SH2D4A: variants seen among roughly 807,000 people sequenced by gnomAD.
SH2D4A encodes SH2 domain-containing protein 4A.
A neutral mutation model predicts 64.7 loss-of-function variants in SH2D4A; 70 were observed. The observed-to-expected ratio is 1.08, with a 90% CI of 0.89 to 1.32. The LOEUF (loss-of-function observed/expected upper bound fraction) is 1.32, where lower values mean the gene tolerates loss of function less well. Among genes scored for constraint, SH2D4A ranks in the 40% most tolerant of loss-of-function variants. SH2D4A has a pLI of 0.00. For synonymous variants in SH2D4A, 268 were observed against 200.7 expected, an observed-to-expected ratio of 1.34 and a Z score of -2.83; for missense variants, 706 against 540.1, an observed-to-expected ratio of 1.31 and a Z score of -3.04.
chr8:19,316,302 A>G (rs2052087220), intron 1 of SH2D4A, among the ~76,000 whole-genome samples: 1 of 152,246 alleles, frequency 6.6e-6, no homozygotes, highest in Non-Finnish European at 1.5e-5. Flanking sequence ...TTGCTATAAA[A>G]AGTAAAACAA....
At chr8:19,391,565 C>T (rs548635323) in intron 8 of SH2D4A, among the ~76,000 whole-genome samples, 1 of 152,136 alleles carries the variant, frequency 6.6e-6, no homozygotes, top group African/African-American at 2.4e-5. Flanking sequence ...GCCTTTTCAC[C>T]CACTCCCAGC....
chr8:19,384,821 T>C (rs111271232), intron 8 of SH2D4A, among the ~76,000 whole-genome samples: 7 of 152,188 alleles, frequency 4.6e-5, no homozygotes, highest in South Asian at 2.1e-4. Context: ...TCTATCAACA[T>C]TTTCCTACTT....
At chr8:19,336,688 A>AC in intron 4 of SH2D4A, among the ~76,000 whole-genome samples, 1 of 151,618 alleles carries the variant, frequency 6.6e-6, no homozygotes, top group African/African-American at 2.4e-5. Context: ...AGACAGTGAG[A>AC]CCCCCATCTC....
At chr8:19,324,114 C>T (rs2117184029) in intron 2 of SH2D4A, among the ~76,000 whole-genome samples, 1 of 152,358 alleles carries the variant, frequency 6.6e-6, no homozygotes, top group Admixed American at 6.5e-5. Flanking sequence ...ACATCTAAAA[C>T]ATGTGCTCGC....
intron 4 of SH2D4A, among the ~76,000 whole-genome samples, chr8:19,335,376 T>C (rs2052431089): frequency 6.6e-6 from 1 of 152,212 alleles, no homozygotes; most frequent in Non-Finnish European, 1.5e-5. Flanking sequence ...AGCACCCCTA[T>C]TTCATGAGAC....
chr8:19,349,863 C>G (rs1194253372), intron 4 of SH2D4A, among the ~76,000 whole-genome samples: 1 of 152,184 alleles, frequency 6.6e-6, no homozygotes, highest in African/African-American at 2.4e-5. Context: ...ATCACCACGC[C>G]CAGCTAACTT....
rs889254492 is a variant in SH2D4A at position 19,336,437 on chromosome 8, G to A, written c.513+1580G>A. 8.0e-4 allele frequency among the ~76,000 whole-genome samples: 122 copies of A among 151,964 alleles called. 1 individual carries two copies. The highest frequency in any genetic ancestry group is 5.1e-4 in the Non-Finnish European group (35 of 67,984). On this transcript the variant is annotated intron_variant, in intron 4 of 9. Coordinates refer to ENST00000265807, the MANE Select transcript of SH2D4A (RefSeq NM_022071.4). ...CCCCACATCCTCATTGAGGCCTCCCGTCCTCCCCAGGTGTGCTTTGCACTC... is the reference window on the plus strand; with the variant it reads ...CCCCACATCCTCATTGAGGCCTCCCATCCTCCCCAGGTGTGCTTTGCACTC...
Position 19,319,575 on chromosome 8 carries a change from T to A in SH2D4A, c.28T>A (p.Tyr10Asn), listed in dbSNP as rs762511784. The change falls in exon 2 of 10, where the codon TAC (tyrosine) becomes AAC (asparagine). Residue 10 changes from tyrosine to asparagine, a missense_variant. Physicochemically the swap from Tyr to Asn is moderately radical, Grantham distance 143 (BLOSUM62 -2). Coordinates refer to ENST00000265807, the MANE Select transcript of SH2D4A (RefSeq NM_022071.4). Reference sequence around the variant, plus strand: ...GCTGAAACAGATACTGTCGGAGATGTACATAGATCCTGATCTACTGGCAGA... The same window carrying A: ...GCTGAAACAGATACTGTCGGAGATGAACATAGATCCTGATCTACTGGCAGA... MLKQILSEM[Y>N]IDPDLLAELS... 1 of 1,586,442 alleles carries A rather than the reference T, an allele frequency of 6.3e-7. No homozygotes were observed. Among genetic ancestry groups the A allele is most frequent in the East Asian group, 2.3e-5 (1 of 43,606 alleles).
chr8:19,366,373 G>A (rs939187069), intron 7 of SH2D4A, among the ~76,000 whole-genome samples: 4 of 152,086 alleles, frequency 2.6e-5, no homozygotes, highest in Admixed American at 6.5e-5. Context: ...TGTGGTTACC[G>A]TGCTGTGCAG....
chr8:19,339,425 A>C (rs1383599887), intron 4 of SH2D4A, among the ~76,000 whole-genome samples: 2 of 151,614 alleles, frequency 1.3e-5, no homozygotes, highest in African/African-American at 4.9e-5. Flanking sequence ...AATACTGGGC[A>C]CTTATTTCAG....
At chr8:19,367,762 T>G (rs1227175013) in intron 7 of SH2D4A, among the ~76,000 whole-genome samples, 1 of 152,096 alleles carries the variant, frequency 6.6e-6, no homozygotes, top group African/African-American at 2.4e-5. Context: ...CGGTTGCCTG[T>G]GCTTTTGAGG....
intron 8 of SH2D4A, among the ~76,000 whole-genome samples, chr8:19,387,620 C>A (rs1366951440): frequency 6.6e-6 from 1 of 152,200 alleles, no homozygotes; most frequent in Non-Finnish European, 1.5e-5. Flanking sequence ...GATCATGATG[C>A]CTGACTTCTT....
At chr8:19,353,529 C>T (rs754188569) in intron 4 of SH2D4A, among the ~76,000 whole-genome samples, 4 of 151,804 alleles carry the variant, frequency 2.6e-5, no homozygotes, top group African/African-American at 4.8e-5. Context: ...TCATCACGCC[C>T]GGCTAATTTT....
chr8:19,354,182 G>A (rs2052754029), intron 4 of SH2D4A, among the ~76,000 whole-genome samples: 1 of 151,892 alleles, frequency 6.6e-6, no homozygotes, highest in East Asian at 1.9e-4. Context: ...TGTATTTTTA[G>A]TAGAGATGGG....
chr8:19,367,084 AT>A (rs2053010136), intron 7 of SH2D4A, among the ~76,000 whole-genome samples: 1 of 150,038 alleles, frequency 6.7e-6, no homozygotes, highest in Non-Finnish European at 1.5e-5. Flanking sequence ...AAATGACAGG[AT>A]ATTATACTTT....
At chr8:19,391,669 G>T (rs934263561) in intron 8 of SH2D4A, among the ~76,000 whole-genome samples, 5 of 152,208 alleles carry the variant, frequency 3.3e-5, no homozygotes, top group Admixed American at 1.3e-4. Context: ...TAGGAAGCAG[G>T]AGAAGGTCTG....
chr8:19,345,783 C>T (rs2052604068), intron 4 of SH2D4A, among the ~76,000 whole-genome samples: 1 of 152,188 alleles, frequency 6.6e-6, no homozygotes, highest in South Asian at 2.1e-4. Flanking sequence ...TGATTTTATA[C>T]CAGTGTAACC....
Position 19,394,561 on chromosome 8 carries a change from C to A in SH2D4A, c.1284C>A (p.Ile428=). 1.2e-6 allele frequency: 2 copies of A among 1,606,588 alleles called. No individual in the cohort carries two copies. The highest frequency in any genetic ancestry group is 1.7e-6 in the Non-Finnish European group (2 of 1,175,802). The change falls in exon 10 of 10, where the codon ATC becomes ATA. Residue 428 remains isoleucine (I), a synonymous_variant. Coordinates refer to ENST00000265807, the MANE Select transcript of SH2D4A (RefSeq NM_022071.4). ...DLVEYHKEEP[I]TSLGKELLLY... ...CTTCTGATTGACAGGAGGAACCCAT[C>A]ACTTCCCTGGGGAAGGAGCTCCTTC...
In SH2D4A at chr8:19,364,193, C is replaced by T. The variant is rs570221324; in HGVS notation, c.828C>T (p.Pro276=). 9.9e-6 allele frequency: 16 copies of T among 1,614,158 alleles called. No individual in the cohort carries two copies. The South Asian group carries it at 1.8e-4, about 18-fold the overall frequency. Reference sequence around the variant, plus strand: ...GAGGCGGTGAGAGGCTGCAAAGCCCCTTGCGTGTTCCGCAGAAACCAGAAA... The same window carrying T: ...GAGGCGGTGAGAGGCTGCAAAGCCCTTTGCGTGTTCCGCAGAAACCAGAAA... ...KGRGGERLQS[P]LRVPQKPERP... The change falls in exon 7 of 10, where the codon CCC becomes CCT. Residue 276 remains proline, a synonymous_variant. Coordinates refer to ENST00000265807, the MANE Select transcript of SH2D4A (RefSeq NM_022071.4).
Sources: allele counts gnomAD v4.1 joint callset (sites outside exome capture counted in the v4.1 genomes callset), GRCh38; gene constraint gnomAD v4.1.1; transcripts MANE v1.5; gene names NCBI Gene and HGNC (gene_info 2026-07-23, HGNC 2026-07-21).